The following SEPTIN8 variants were observed in gnomAD, a reference collection of about 807,000 sequenced individuals.
The protein encoded by SEPTIN8 is septin-8.
A neutral mutation model predicts 53.1 loss-of-function variants in SEPTIN8; 22 were observed. The ratio of observed to expected loss-of-function variants is 0.41; its 90% CI spans 0.30 to 0.59. The LOEUF (loss-of-function observed/expected upper bound fraction) is 0.59. Ranked by LOEUF, SEPTIN8 falls within the 20% of genes least tolerant of loss-of-function variation. The probability of loss-of-function intolerance (pLI) is 0.24; values close to 1 mark genes in which losing one functional copy is unlikely to be tolerated. For synonymous variants in SEPTIN8, 228 were observed against 248.4 expected (o/e 0.92, Z 0.77); for missense variants, 536 against 638.7 (o/e 0.84, Z 1.73).
intron 1 of SEPTIN8, among the ~76,000 whole-genome samples, chr5:132,767,761 C>T (rs547436641): frequency 9.9e-5 from 15 of 152,120 alleles, no homozygotes; most frequent in Non-Finnish European, 2.1e-4. Context: ...AGGACACAGT[C>T]GGTCTAGAGC....
intron 1 of SEPTIN8, among the ~76,000 whole-genome samples, chr5:132,770,460 G>A (rs1295205396): frequency 1.3e-5 from 2 of 152,078 alleles, no homozygotes; most frequent in African/African-American, 4.8e-5. Context: ...GATTACAGGT[G>A]TGAGCCACCA....
intron 1 of SEPTIN8, among the ~76,000 whole-genome samples, chr5:132,769,984 T>C (rs1243679976): frequency 1.5e-4 from 3 of 20,566 alleles, no homozygotes; most frequent in South Asian, 1.5e-3. Context: ...TATATATACA[T>C]ATATATATAT....
At chr5:132,753,020 T>C (rs1436650573) in intron 9 of SEPTIN8, 3 of 1,402,510 alleles carry the variant, frequency 2.1e-6, no homozygotes, top group Non-Finnish European at 3.0e-6. Context: ...GAAACCTCCT[T>C]GCTTGGACTA....
At chr5:132,754,483 T>A (rs1170061283) in intron 9 of SEPTIN8, 1 of 717,364 alleles carries the variant, frequency 1.4e-6, no homozygotes, top group Non-Finnish European at 2.6e-6. Context: ...TGGCTATGGA[T>A]GTGAGCTGGA....
rs112027150 is a variant in SEPTIN8, at chr5:132,760,188, T to C, written c.1286+614A>G. Among the ~76,000 whole-genome samples the C allele has an allele frequency of 3.6e-3, 544 of 152,194 alleles. 2 individuals carry two copies. Among genetic ancestry groups the C allele is most frequent in the South Asian group, 0.017 (82 of 4,820 alleles). On this transcript the variant is annotated intron_variant, in intron 9 of 9. Transcript: ENST00000378719. This position sits in a 1 kb window ranked among gnomAD's most constrained non-coding sequence, Gnocchi z 5.2. ...TGGCTGGCGCGAGTGCCCGCAGTTCTCCATCACCACCTGCCAGCCAATACG... is the reference window on the plus strand; with the variant it reads ...TGGCTGGCGCGAGTGCCCGCAGTTCCCCATCACCACCTGCCAGCCAATACG...
At position 132,776,889 on chromosome 5, in the gene SEPTIN8, A is replaced by G. The variant is rs987419160; in HGVS notation, c.30+219T>C. Among the ~76,000 whole-genome samples the G allele has an allele frequency of 3.9e-5, 6 of 152,128 alleles. No individual in the cohort carries two copies. The highest frequency in any genetic ancestry group is 3.4e-3 in the Middle Eastern group (1 of 294). On this transcript the variant is annotated intron_variant, in intron 1 of 9. Transcript: ENST00000378719. The surrounding 1 kb of genome is among the most constrained non-coding windows in gnomAD (Gnocchi z 4.4). ...GGTTAGCCTTGCCTGCGCCCCAGGA[A>G]GCGACCCCGACCAGCCGCCCGGCAA...
intron 9 of SEPTIN8, chr5:132,758,871 A>G: frequency 6.4e-7 from 1 of 1,563,988 alleles, no homozygotes; most frequent in Non-Finnish European, 8.8e-7. Context: ...GACACATTAA[A>G]AGATATGCAG....
chr5:132,770,008 T>TATATACAC (rs1554115483), intron 1 of SEPTIN8, among the ~76,000 whole-genome samples: 4 of 52,208 alleles, frequency 7.7e-5, no homozygotes, highest in African/African-American at 3.3e-4. Context: ...TATATATATA[T>TATATACAC]ATATATATAT....
chr5:132,759,132 C>T (rs1200086416), intron 9 of SEPTIN8: 10 of 502,164 alleles, frequency 2.0e-5, no homozygotes, highest in South Asian at 5.2e-5. Context: ...AATGCACTCC[C>T]GACTCACACT....
chr5:132,756,342 A>C, intron 9 of SEPTIN8: 1 of 979,630 alleles, frequency 1.0e-6, no homozygotes, highest in Non-Finnish European at 1.2e-6. Context: ...AATTAATAGC[A>C]TCCCCTTTCT....
chr5:132,764,194 C>T (rs761134235), intron 3 of SEPTIN8, 30 bp downstream of exon 3: 1 of 1,581,386 alleles, frequency 6.3e-7, no homozygotes, highest in African/African-American at 1.3e-5. Flanking sequence ...TGGGAGGAGG[C>T]TGGGTGGGGC....
intron 1 of SEPTIN8, among the ~76,000 whole-genome samples, chr5:132,771,012 C>T (rs549858271): frequency 5.3e-5 from 8 of 152,306 alleles, no homozygotes; most frequent in East Asian, 1.9e-4. Context: ...CTTCTCAGGC[C>T]GGCTGCGTGC....
At chr5:132,767,983 A>ACACG (rs1210623839) in intron 1 of SEPTIN8, among the ~76,000 whole-genome samples, 1 of 148,316 alleles carries the variant, frequency 6.7e-6, no homozygotes, top group Non-Finnish European at 1.5e-5. Flanking sequence ...ACACACACAC[A>ACACG]CACGCAGCCG....
chr5:132,765,142 C>T (rs1756453177), intron 2 of SEPTIN8, among the ~76,000 whole-genome samples: 1 of 151,996 alleles, frequency 6.6e-6, no homozygotes. Flanking sequence ...ATAAATGAAC[C>T]TAAATCTCTG....
Position 132,751,308 on chromosome 5 carries a change from T to A in SEPTIN8, c.*708A>T. The A allele has an allele frequency of 3.7e-6, 1 of 268,800 alleles. No individual in the cohort carries two copies. The allele number at this position is 268,800 out of a possible 1,614,324, so 16.7% of individuals were successfully genotyped here. A position where few individuals can be genotyped will look rare whatever the true frequency, so the allele number is the denominator to read the frequency against. On this transcript the variant is annotated 3_prime_UTR_variant, in exon 10 of 10. Coordinates refer to ENST00000378719, the MANE Select transcript of SEPTIN8 (RefSeq NM_001098811.2). The stretch of plus-strand genomic sequence containing the variant: ...ATTTAACTTTCCATTCTATGAATAC[T>A]GTACATAAATATCTGTCTGCTTTTG...
chr5:132,750,852 T>C lies in SEPTIN8; in HGVS notation c.*1164A>G, dbSNP rs992932649. 5 of 1,612,332 alleles carry C rather than the reference T, an allele frequency of 3.1e-6. No individual in the cohort carries two copies. Among genetic ancestry groups the C allele is most frequent in the Admixed American group, 1.7e-5 (1 of 59,476 alleles). ...GGCTTTGGCCTCTTTATTTTCTTTT[T>C]ACAGTTTATTCCACAAGTAAAAGAC... On this transcript the variant is annotated 3_prime_UTR_variant, in exon 10 of 10. Transcript: ENST00000378719.
In SEPTIN8 at chr5:132,763,761, G is replaced by C. The variant is rs1756251760; in HGVS notation, c.479C>G (p.Thr160Arg). Residue 160 changes from threonine (T) to arginine (R), a missense_variant, in exon 4 of 10, where the codon ACA becomes AGA. Thr to Arg is a moderately conservative substitution (Grantham distance 71, BLOSUM62 -1). Around this residue, in one of 3 missense-constraint regions of SEPTIN8, gnomAD observed 395 missense variants for 451.8 expected, o/e 0.87. Transcript: ENST00000378719. ...IHVCLYFITPTGHSLKSLDLV... is the reference protein window; with the variant it reads ...IHVCLYFITPRGHSLKSLDLV... ...ATCTAGAGACTTCAGGGAGTGCCCT[G>C]TGGGCGTGATGAAGTAGAGGCAAAC... 1 of 1,614,210 alleles carries C rather than the reference G, an allele frequency of 6.2e-7. No homozygotes were observed. The highest frequency in any genetic ancestry group is 2.2e-5 in the East Asian group (1 of 44,892).
At chr5:132,756,644 G>A (rs537531372) in intron 9 of SEPTIN8, 155 of 985,324 alleles carry the variant, frequency 1.6e-4, no homozygotes, top group African/African-American at 4.0e-4. Flanking sequence ...CAAACAGCAG[G>A]GGAGAGGTGC....
In SEPTIN8 at chr5:132,761,797, C is replaced by A; in HGVS notation, c.793+3G>T. 1 of 1,606,678 alleles carries A rather than the reference C, an allele frequency of 6.2e-7. No individual in the cohort carries two copies. The highest frequency in any genetic ancestry group is 8.5e-7 in the Non-Finnish European group (1 of 1,176,550). ...CCAGGATGCATTTCCTGTCCACACTCACCCTGCACCACTCCCCAGGGGTAC... is the reference window on the plus strand; with the variant it reads ...CCAGGATGCATTTCCTGTCCACACTAACCCTGCACCACTCCCCAGGGGTAC... On this transcript the variant is annotated splice_donor_region_variant and intron_variant, in intron 6 of 9. Coordinates refer to ENST00000378719, the MANE Select transcript of SEPTIN8 (RefSeq NM_001098811.2). This position sits in a 1 kb window ranked among gnomAD's most constrained non-coding sequence, Gnocchi z 5.8.
Sources: gnomAD v4.1 joint callset for allele counts (sites outside exome capture counted in the v4.1 genomes callset) on GRCh38, gnomAD v4.1.1 for gene constraint, gnomAD v4.1.1 regional missense constraint, Gnocchi (gnomAD v3.1) non-coding constraint, MANE v1.5 for transcripts, NCBI Gene and HGNC (gene_info 2026-07-23, HGNC 2026-07-21) for gene names.